ZBTB38: variants seen among roughly 807,000 people sequenced by gnomAD.
The protein encoded by ZBTB38 is zinc finger and BTB domain-containing protein 38.
In ZBTB38, 20 loss-of-function variants were observed where a neutral mutation model predicts 76.8. The observed-to-expected ratio is 0.26, with a 90% CI of 0.18 to 0.38. The LOEUF (loss-of-function observed/expected upper bound fraction) is 0.38, where lower values mean the gene tolerates loss of function less well. Among genes scored for constraint, ZBTB38 ranks in the 10% least tolerant of loss-of-function variants. The probability of loss-of-function intolerance (pLI) is 1.00; values close to 1 mark genes in which losing one functional copy is unlikely to be tolerated. For missense variants in ZBTB38, 1,082 were observed against 1,482.3 expected (o/e 0.73, Z 4.43); for synonymous variants, 504 against 544.2 (o/e 0.93, Z 1.03).
intron 4 of ZBTB38, among the ~76,000 whole-genome samples, chr3:141,394,884 A>T (rs2149415134): frequency 6.6e-6 from 1 of 152,268 alleles, no homozygotes; most frequent in Non-Finnish European, 1.5e-5. Flanking sequence ...CCCAGAGAAG[A>T]TGGGACTTCT....
chr3:141,409,620 A>G (rs1188072281), intron 5 of ZBTB38, among the ~76,000 whole-genome samples: 1 of 152,150 alleles, frequency 6.6e-6, no homozygotes, highest in Non-Finnish European at 1.5e-5. Context: ...GGAGATCAGG[A>G]CCCCACCCTC....
At position 141,384,330 on chromosome 3, in the gene ZBTB38, C is replaced by T. The variant is rs533943716; in HGVS notation, c.-171-2542C>T. Among the ~76,000 whole-genome samples the T allele has an allele frequency of 2.7e-3, 404 of 152,326 alleles. 3 individuals are homozygous for T. The highest frequency in any genetic ancestry group is 9.4e-3 in the African/African-American group (391 of 41,572). Reference sequence around the variant, plus strand: ...ACACTATTTACTCATCTCCTGGGAGCCTAATATGGATTACTGTTGTTGTCA... The same window carrying T: ...ACACTATTTACTCATCTCCTGGGAGTCTAATATGGATTACTGTTGTTGTCA... On this transcript the variant is annotated intron_variant, in intron 3 of 5. Transcript: ENST00000321464.
intron 2 of ZBTB38, 107 bp downstream of exon 2, chr3:141,370,053 T>G (rs1944306812): frequency 1.3e-5 from 2 of 152,240 alleles, no homozygotes; most frequent in Non-Finnish European, 2.9e-5. Flanking sequence ...CAGAGATTTC[T>G]GTACACAATG....
At chr3:141,328,828 G>T (rs146746287) in intron 1 of ZBTB38, among the ~76,000 whole-genome samples, 1 of 151,902 alleles carries the variant, frequency 6.6e-6, no homozygotes, top group Non-Finnish European at 1.5e-5. Context: ...GTTCCCAAAC[G>T]CACCTTCTGC....
intron 1 of ZBTB38, among the ~76,000 whole-genome samples, chr3:141,329,133 C>T (rs1942765771): frequency 6.6e-6 from 1 of 152,236 alleles, no homozygotes. Context: ...CTTTTACTCT[C>T]TGCACACTAG....
At chr3:141,330,906 C>T (rs1350396675) in intron 1 of ZBTB38, among the ~76,000 whole-genome samples, 1 of 152,188 alleles carries the variant, frequency 6.6e-6, no homozygotes, top group Non-Finnish European at 1.5e-5. Context: ...CCAGATGTGA[C>T]CCCTCAACCT....
chr3:141,365,205 G>T (rs979489308), upstream of ZBTB38, among the ~76,000 whole-genome samples: 3 of 152,176 alleles, frequency 2.0e-5, no homozygotes, highest in African/African-American at 4.8e-5. Context: ...TATTATTTGG[G>T]CATAAAAAGG....
intron 5 of ZBTB38, among the ~76,000 whole-genome samples, chr3:141,441,032 C>CAAAAAAAAAAAAAAAAAAAAAA (rs202075469): frequency 1.5e-5 from 1 of 64,618 alleles, no homozygotes; most frequent in African/African-American, 5.0e-5. Flanking sequence ...GACTCAATCT[C>CAAAAAAAAAAAAAAAAAAAAAA]AAAAAAAAAA....
chr3:141,400,178 A>G (rs1032685350), intron 4 of ZBTB38, among the ~76,000 whole-genome samples: 4 of 152,066 alleles, frequency 2.6e-5, no homozygotes, highest in Non-Finnish European at 5.9e-5. Flanking sequence ...TAAGAGAGAG[A>G]ATCTGTGACT....
At chr3:141,410,953 T>TG (rs1228410310) in intron 5 of ZBTB38, among the ~76,000 whole-genome samples, 1 of 152,166 alleles carries the variant, frequency 6.6e-6, no homozygotes, top group Non-Finnish European at 1.5e-5. Flanking sequence ...AAGGGTATCT[T>TG]GGGATTATTT....
At chr3:141,357,102 T>C (rs1943684043) in intron 1 of ZBTB38, among the ~76,000 whole-genome samples, 1 of 152,232 alleles carries the variant, frequency 6.6e-6, no homozygotes, top group Admixed American at 6.5e-5. Flanking sequence ...GGCATATTCT[T>C]AATCTTTTCC....
At chr3:141,439,370 G>T (rs7612543) in intron 5 of ZBTB38, among the ~76,000 whole-genome samples, 72,230 of 152,058 alleles carry the variant, frequency 0.48, 18,211 homozygotes, top group African/African-American at 0.64. Context: ...AGATATCCCC[G>T]CTGAAAAATG....
At position 141,397,794 on chromosome 3, in the gene ZBTB38, T is replaced by C. The variant is rs577943868; in HGVS notation, c.-105-6133T>C. On this transcript the variant is annotated intron_variant, in intron 4 of 5. Transcript: ENST00000321464. The stretch of plus-strand genomic sequence containing the variant: ...AGTTCGCCATCTTATATGGGCGTGG[T>C]TCATGGCACCCCAAAGCAATTACAA... Among the ~76,000 whole-genome samples, 14 of 152,294 alleles carry C rather than the reference T, an allele frequency of 9.2e-5. No individual in the cohort carries two copies. In the East Asian group the frequency reaches 2.3e-3, roughly 25 times the overall value.
chr3:141,392,400 A>G (rs933629378), intron 4 of ZBTB38, among the ~76,000 whole-genome samples: 2 of 152,220 alleles, frequency 1.3e-5, no homozygotes, highest in African/African-American at 4.8e-5. Flanking sequence ...TAGTCCCCCT[A>G]TGAAACTGCA....
At chr3:141,430,743 C>T (rs1454689072) in intron 5 of ZBTB38, among the ~76,000 whole-genome samples, 1 of 152,156 alleles carries the variant, frequency 6.6e-6, no homozygotes, top group East Asian at 1.9e-4. Flanking sequence ...TAGGACAACT[C>T]ATTCTTGTGA....
At position 141,393,956 on chromosome 3, in the gene ZBTB38, T is replaced by C. The variant is rs568116935; in HGVS notation, c.-106+7019T>C. Among the ~76,000 whole-genome samples the C allele has an allele frequency of 5.3e-4, 81 of 152,296 alleles. No homozygotes were observed. The South Asian group carries it at 6.2e-3, about 12-fold the overall frequency. Reference sequence around the variant, plus strand: ...CAGATTGATGTCCTTAAAGGTGATTTATTTACTACAGAGTCATAAGAACTT... The same window carrying C: ...CAGATTGATGTCCTTAAAGGTGATTCATTTACTACAGAGTCATAAGAACTT... On this transcript the variant is annotated intron_variant, in intron 4 of 5. Transcript: ENST00000321464.
At chr3:141,383,511 T>C (rs1448413956) in intron 3 of ZBTB38, 1 of 152,218 alleles carries the variant, frequency 6.6e-6, no homozygotes, top group Admixed American at 6.5e-5. Flanking sequence ...TAAAGGAACA[T>C]GCAAACTGAT....
At chr3:141,385,132 A>G (rs1946774857) in intron 3 of ZBTB38, among the ~76,000 whole-genome samples, 3 of 152,232 alleles carry the variant, frequency 2.0e-5, no homozygotes, top group Admixed American at 6.5e-5. Flanking sequence ...CAGTCCTTAC[A>G]GAAGATTGAG....
In ZBTB38 at chr3:141,443,460, A is replaced by T; in HGVS notation, c.1072A>T (p.Ser358Cys). ...SKAFDSSTLL[S>C]AHMQLHKPTQ... is the part of the protein sequence containing the mutation. Reference sequence around the variant, plus strand: ...AGCCTTTGACAGCAGCACTCTGCTCAGTGCCCACATGCAGCTTCACAAGCC... The same window carrying T: ...AGCCTTTGACAGCAGCACTCTGCTCTGTGCCCACATGCAGCTTCACAAGCC... The change falls in exon 6 of 6, where the codon AGT becomes TGT. Residue 358 changes from serine (S) to cysteine (C), a missense_variant. Transcript: ENST00000321464. This position sits in a 1 kb window ranked among gnomAD's most constrained non-coding sequence, Gnocchi z 5.6. The T allele has an allele frequency of 6.2e-7, 1 of 1,614,242 alleles. No homozygotes were observed. The highest frequency in any genetic ancestry group is 8.5e-7 in the Non-Finnish European group (1 of 1,180,046).
Sources: gnomAD v4.1 joint callset for allele counts (sites outside exome capture counted in the v4.1 genomes callset) on GRCh38, gnomAD v4.1.1 for gene constraint, Gnocchi (gnomAD v3.1) non-coding constraint, MANE v1.5 for transcripts, NCBI Gene and HGNC (gene_info 2026-07-23, HGNC 2026-07-21) for gene names.